IGSF9B: variants seen among roughly 807,000 people sequenced by gnomAD.
The protein encoded by IGSF9B is protein turtle homolog B.
In IGSF9B, 48 loss-of-function variants were observed where a neutral mutation model predicts 143.7. That is an observed-to-expected ratio of 0.33 (90% CI 0.26 to 0.42). IGSF9B has a LOEUF of 0.42. Among genes scored for constraint, IGSF9B ranks in the 20% least tolerant of loss-of-function variants. IGSF9B has a pLI of 1.00. For synonymous variants in IGSF9B, 903 were observed against 833.1 expected (o/e 1.08, Z -1.44); for missense variants, 1,706 against 1,980.0 (o/e 0.86, Z 2.63).
At position 133,908,527 on chromosome 11, in the gene IGSF9B, T is replaced by A. The variant is rs564061121; in HGVS notation, c.*542A>T. ...AAACCCCAGCTGGCCACTGCCCTCC[T>A]CCTCCTGCCTCCACTGACCACAGAG... On this transcript the variant is annotated 3_prime_UTR_variant, in exon 20 of 20. Coordinates refer to ENST00000533871, the MANE Select transcript of IGSF9B (RefSeq NM_001277285.4). The A allele has an allele frequency of 6.6e-6, 1 of 151,582 alleles. No homozygotes were observed. The highest frequency in any genetic ancestry group is 2.4e-5 in the African/African-American group (1 of 41,288). The allele number at this position is 151,582 out of a possible 1,614,324, so 9.4% of individuals were successfully genotyped here. A position where few individuals can be genotyped will look rare whatever the true frequency, so the allele number is the denominator to read the frequency against.
Position 133,909,246 on chromosome 11 carries a change from G to C in IGSF9B, c.4137C>G (p.Pro1379=). Residue 1379 remains proline, a synonymous_variant, in exon 20 of 20, where the codon CCC becomes CCG. Transcript: ENST00000533871. This position sits in a 1 kb window ranked among gnomAD's most constrained non-coding sequence, Gnocchi z 4.2. Reference sequence around the variant, plus strand: ...CATCGGGCCACAGAACCTGAGAGTTGGGAAGCTGCTGAGTCTGGGAGGCAG... The same window carrying C: ...CATCGGGCCACAGAACCTGAGAGTTCGGAAGCTGCTGAGTCTGGGAGGCAG... ...DDSASQTQQL[P]NSQVLWPDEA... 1 of 1,535,886 alleles carries C rather than the reference G, an allele frequency of 6.5e-7. No individual in the cohort carries two copies. Among genetic ancestry groups the C allele is most frequent in the Non-Finnish European group, 8.7e-7 (1 of 1,146,734 alleles).
intron 1 of IGSF9B, chr11:133,952,065 T>G (rs1940169351): frequency 2.2e-6 from 1 of 455,494 alleles, no homozygotes; most frequent in Non-Finnish European, 4.4e-6. Context: ...GAAAGGACAG[T>G]CAGGCCGGCT....
At position 133,903,002 on chromosome 11, in the gene IGSF9B, T is replaced by G. The variant is rs981481775; in HGVS notation, c.*6067A>C. Among the ~76,000 whole-genome samples, 2 of 151,506 alleles carry G rather than the reference T, an allele frequency of 1.3e-5. No individual in the cohort carries two copies. Among genetic ancestry groups the G allele is most frequent in the African/African-American group, 2.4e-5 (1 of 41,188 alleles). ...TCTAAGGCCGAAAATGCAAGTCACC[T>G]CCCCAGCCCAACCCCCTGCCCTCCG... On this transcript the variant is annotated 3_prime_UTR_variant, in exon 20 of 20. Transcript: ENST00000533871.
At chr11:133,916,583 C>T (rs926307006) in intron 18 of IGSF9B, among the ~76,000 whole-genome samples, 7 of 152,120 alleles carry the variant, frequency 4.6e-5, no homozygotes, top group Non-Finnish European at 7.3e-5. Flanking sequence ...TGGCCAGGCC[C>T]GGGAGAGAAA....
intron 14 of IGSF9B, among the ~76,000 whole-genome samples, chr11:133,925,491 G>T (rs547062158): frequency 1.3e-5 from 2 of 152,120 alleles, no homozygotes; most frequent in African/African-American, 4.8e-5. Context: ...AGCTTGTAGC[G>T]GTGCCGGGAC....
rs1491210342 is a variant in IGSF9B at position 133,908,596 on chromosome 11, T to TATATAC, written c.*472_*473insGTATAT. The TATATAC allele has an allele frequency of 2.6e-5, 4 of 152,516 alleles. No homozygotes were observed. Among genetic ancestry groups the TATATAC allele is most frequent in the African/African-American group, 4.9e-5 (2 of 41,132 alleles). 9.4% of individuals were successfully genotyped at this position (152,516 alleles called of 1,614,324 possible). A position where few individuals can be genotyped will look rare whatever the true frequency, so the allele number is the denominator to read the frequency against. On this transcript the variant is annotated 3_prime_UTR_variant, in exon 20 of 20. Coordinates refer to ENST00000533871, the MANE Select transcript of IGSF9B (RefSeq NM_001277285.4). ...CAATGTACATATATATATATATATATACACACATAGAGAAACCCACACACT... is the reference window on the plus strand; with the variant it reads ...CAATGTACATATATATATATATATATATATACACACACATAGAGAAACCCACACACT...
intron 7 of IGSF9B, 49 bp from the exon 8 acceptor site, chr11:133,932,262 C>T: frequency 3.4e-6 from 5 of 1,486,260 alleles, no homozygotes; most frequent in Non-Finnish European, 3.6e-6. Flanking sequence ...GACACAGGGA[C>T]AGACAGACAG....
intron 3 of IGSF9B, among the ~76,000 whole-genome samples, chr11:133,940,640 G>A (rs1223241645): frequency 5.3e-5 from 7 of 131,376 alleles, no homozygotes; most frequent in African/African-American, 2.1e-4. Context: ...CCTCGCACGC[G>A]TCATCACACG....
chr11:133,934,812 CCT>C (rs1175057239), intron 7 of IGSF9B, among the ~76,000 whole-genome samples: 1 of 152,210 alleles, frequency 6.6e-6, no homozygotes, highest in Non-Finnish European at 1.5e-5. Flanking sequence ...CCTGCCACTC[CCT>C]GTCGCTGGGT....
At chr11:133,946,033 T>G in intron 2 of IGSF9B, 28 bp downstream of exon 2, 2 of 1,470,028 alleles carry the variant, frequency 1.4e-6, no homozygotes, top group South Asian at 1.4e-5. Context: ...CTGGGGAAGG[T>G]GCGGGAGACC....
rs999701384 is a variant in IGSF9B, at chr11:133,901,530, G to T, written c.*7539C>A. 3.9e-5 allele frequency: 6 copies of T among 152,136 alleles called. No homozygotes were observed. Among genetic ancestry groups the T allele is most frequent in the Non-Finnish European group, 5.9e-5 (4 of 68,004 alleles). 9.4% of individuals were successfully genotyped at this position (152,136 alleles called of 1,614,324 possible). A position where few individuals can be genotyped will look rare whatever the true frequency, so the allele number is the denominator to read the frequency against. ...CGCTCCCCACACCCGAGTGCCACTC[G>T]CCCGAAGCTCCCAGTCTCCACGATT... On this transcript the variant is annotated 3_prime_UTR_variant, in exon 20 of 20. Transcript: ENST00000533871.
Position 133,907,868 on chromosome 11 carries a change from G to C in IGSF9B, c.*1201C>G, listed in dbSNP as rs543887754. ...CTGCAGCTCAGGTCCACCGGAGGAC[G>C]AAGGCCCCGGGGCAGAGAAGAGTCG... On this transcript the variant is annotated 3_prime_UTR_variant, in exon 20 of 20. Coordinates refer to ENST00000533871, the MANE Select transcript of IGSF9B (RefSeq NM_001277285.4). Among the ~76,000 whole-genome samples the C allele has an allele frequency of 6.6e-6, 1 of 152,216 alleles. No individual in the cohort carries two copies.
In IGSF9B at chr11:133,902,998, C is replaced by T. The variant is rs1459044837; in HGVS notation, c.*6071G>A. Among the ~76,000 whole-genome samples, 1 of 152,142 alleles carries T rather than the reference C, an allele frequency of 6.6e-6. No individual in the cohort carries two copies. The highest frequency in any genetic ancestry group is 1.5e-5 in the Non-Finnish European group (1 of 68,030). ...CATTTCTAAGGCCGAAAATGCAAGT[C>T]ACCTCCCCAGCCCAACCCCCTGCCC... On this transcript the variant is annotated 3_prime_UTR_variant, in exon 20 of 20. Transcript: ENST00000533871.
chr11:133,909,693 C>T lies in IGSF9B; in HGVS notation c.4106-416G>A, dbSNP rs776908579. Among the ~76,000 whole-genome samples, 22 of 152,206 alleles carry T rather than the reference C, an allele frequency of 1.4e-4. No individual in the cohort carries two copies. Among genetic ancestry groups the T allele is most frequent in the Non-Finnish European group, 3.2e-4 (22 of 68,042 alleles). On this transcript the variant is annotated intron_variant, in intron 19 of 19. Coordinates refer to ENST00000533871, the MANE Select transcript of IGSF9B (RefSeq NM_001277285.4). This position sits in a 1 kb window ranked among gnomAD's most constrained non-coding sequence, Gnocchi z 4.2. Reference sequence around the variant, plus strand: ...GACCGACTTTATACAAGATTTTAATCGCATGCAACGGTCAGGCCTTGACCC... The same window carrying T: ...GACCGACTTTATACAAGATTTTAATTGCATGCAACGGTCAGGCCTTGACCC...
rs1939734403 is a variant in IGSF9B, at chr11:133,931,739, C to A, written c.1167G>T (p.Glu389Asp). Residue 389 changes from glutamate (E) to aspartate (D), a missense_variant, in exon 9 of 20, where the codon GAG (glutamate) becomes GAT (aspartate). By Grantham distance (45) the Glu-to-Asp change is conservative. Around this residue, in one of 7 missense-constraint regions of IGSF9B, gnomAD observed 238 missense variants for 452.6 expected, o/e 0.53. Transcript: ENST00000533871. This position sits in a 1 kb window ranked among gnomAD's most constrained non-coding sequence, Gnocchi z 7.7. ...CACAGGTATAAGTGCCAAGAGCCTC[C>A]TCTGTGGCCTCCTCAATTCGAATGG... ...DGSIRIEEAT[E>D]EALGTYTCVP... 1 of 1,611,556 alleles carries A rather than the reference C, an allele frequency of 6.2e-7. No homozygotes were observed. The highest frequency in any genetic ancestry group is 8.5e-7 in the Non-Finnish European group (1 of 1,179,234).
At position 133,944,281 on chromosome 11, in the gene IGSF9B, G is replaced by A; in HGVS notation, c.348C>T (p.Leu116=). Residue 116 remains leucine, a synonymous_variant, in exon 3 of 20, where the codon CTC becomes CTT. Coordinates refer to ENST00000533871, the MANE Select transcript of IGSF9B (RefSeq NM_001277285.4). ...AGGTGTCATACTGCTGGTCCAGCATGAGCACTTTGCACTCATACCAGCCCT... is the reference window on the plus strand; with the variant it reads ...AGGTGTCATACTGCTGGTCCAGCATAAGCACTTTGCACTCATACCAGCCCT... ...EDQGWYECKV[L]MLDQQYDTFH... 2 of 1,613,890 alleles carry A rather than the reference G, an allele frequency of 1.2e-6. No individual in the cohort carries two copies. The highest frequency in any genetic ancestry group is 1.7e-6 in the Non-Finnish European group (2 of 1,179,828).
At position 133,929,690 on chromosome 11, in the gene IGSF9B, C is replaced by T. The variant is rs1190145060; in HGVS notation, c.1612G>A (p.Glu538Lys). ...SWEPGYDGGYEQTFSVWMKRA... is the reference protein window; with the variant it reads ...SWEPGYDGGYKQTFSVWMKRA... ...CCGTACCAAACTGAGAATGTCTGCT[C>T]GTAGCCTCCATCATAGCCTGGTTCC... The change falls in exon 12 of 20, where the codon GAG becomes AAG. Residue 538 changes from glutamate (E) to lysine (K), a missense_variant. Physicochemically the swap from Glu to Lys is moderately conservative, Grantham distance 56. Coordinates refer to ENST00000533871, the MANE Select transcript of IGSF9B (RefSeq NM_001277285.4). The T allele has an allele frequency of 2.5e-6, 4 of 1,612,966 alleles. No homozygotes were observed. Among genetic ancestry groups the T allele is most frequent in the South Asian group, 2.2e-5 (2 of 91,056 alleles).
In IGSF9B at chr11:133,902,283, AGACAC is replaced by A. The variant is rs900065031; in HGVS notation, c.*6781_*6785del. 2.1e-5 allele frequency among the ~76,000 whole-genome samples: 3 copies of A among 145,692 alleles called. No individual in the cohort carries two copies. The highest frequency in any genetic ancestry group is 1.4e-4 in the Admixed American group (2 of 14,586). ...ACACTGCATCACACACACACACACC[AGACAC>A]ATCACACATACACGCACACCACAGA... On this transcript the variant is annotated 3_prime_UTR_variant, in exon 20 of 20. Transcript: ENST00000533871.
chr11:133,914,160 C>T (rs945449165), intron 18 of IGSF9B, among the ~76,000 whole-genome samples: 1 of 152,182 alleles, frequency 6.6e-6, no homozygotes, highest in Non-Finnish European at 1.5e-5. Flanking sequence ...CACTGCTGTA[C>T]AATAATTGCC....
Sources: allele counts gnomAD v4.1 joint callset (sites outside exome capture counted in the v4.1 genomes callset), GRCh38; gene constraint gnomAD v4.1.1; regional missense constraint gnomAD v4.1.1; non-coding constraint Gnocchi (gnomAD v3.1); transcripts MANE v1.5; gene names NCBI Gene and HGNC (gene_info 2026-07-23, HGNC 2026-07-21).